Variants in GARRE1 observed in about 807,000 individuals in gnomAD.
The protein encoded by GARRE1 is granule associated Rac and RHOG effector 1, also known as granule associated Rac and RHOG effector protein 1.
Under a neutral mutation model 103.2 loss-of-function variants are expected in GARRE1, and 49 were observed. That is an observed-to-expected ratio of 0.47 (90% CI 0.38 to 0.60). GARRE1 has a LOEUF of 0.60. GARRE1 is among the 20% of genes least tolerant of loss of function. The probability of loss-of-function intolerance (pLI) is 0.00; values close to 1 mark genes in which losing one functional copy is unlikely to be tolerated. For missense variants in GARRE1, 1,199 were observed against 1,370.5 expected (o/e 0.87, Z 1.98); for synonymous variants, 505 against 532.8 (o/e 0.95, Z 0.72).
In GARRE1 at chr19:34,352,891, C is replaced by A; in HGVS notation, c.3149C>A (p.Pro1050His). The A allele has an allele frequency of 5.0e-6, 8 of 1,585,464 alleles. No individual in the cohort carries two copies. The highest frequency in any genetic ancestry group is 1.9e-4 in the Middle Eastern group (1 of 5,204). The change falls in exon 14 of 14, where the codon CCC becomes CAC. Residue 1050 changes from proline to histidine, a missense_variant. Transcript: ENST00000299505. The stretch of plus-strand genomic sequence containing the variant: ...CCCCCACCAGCACACAAGGCAGCAC[C>A]CAAGGGCTTCAAGGCCTTCCCTGGG... ...PPPPPAHKAAPKGFKAFPGKG... is the reference protein window; with the variant it reads ...PPPPPAHKAAHKGFKAFPGKG...
chr19:34,255,119 C>T (rs1259009956), intron 1 of GARRE1, among the ~76,000 whole-genome samples: 1 of 152,028 alleles, frequency 6.6e-6, no homozygotes, highest in Non-Finnish European at 1.5e-5. Context: ...TTCCCGGCGG[C>T]GCCAGGCTGC....
chr19:34,305,159 G>A (rs1568537270), intron 2 of GARRE1, among the ~76,000 whole-genome samples: 1 of 152,226 alleles, frequency 6.6e-6, no homozygotes, highest in African/African-American at 2.4e-5. Flanking sequence ...CAAAAGAAAC[G>A]TAAGCAGTGA....
chr19:34,334,042 A>G (rs1480612214), intron 8 of GARRE1, among the ~76,000 whole-genome samples: 4 of 152,228 alleles, frequency 2.6e-5, no homozygotes, highest in Non-Finnish European at 4.4e-5. Context: ...AAAATGTTAT[A>G]TACTCTTGGA....
At chr19:34,260,188 C>G (rs560260546) in intron 1 of GARRE1, among the ~76,000 whole-genome samples, 2 of 152,328 alleles carry the variant, frequency 1.3e-5, no homozygotes, top group East Asian at 3.9e-4. Flanking sequence ...ACGGCAAGAC[C>G]CTCTGCCAAC....
At chr19:34,311,009 C>G (rs922318637) in intron 2 of GARRE1, among the ~76,000 whole-genome samples, 2 of 151,974 alleles carry the variant, frequency 1.3e-5, no homozygotes, top group African/African-American at 4.8e-5. Context: ...CCCGCCCCCC[C>G]GCAAGACAGG....
At chr19:34,305,881 C>T (rs1354765454) in intron 2 of GARRE1, among the ~76,000 whole-genome samples, 1 of 152,152 alleles carries the variant, frequency 6.6e-6, no homozygotes, top group Non-Finnish European at 1.5e-5. Context: ...ACAGGCTTTC[C>T]CAGACGAGTC....
intron 3 of GARRE1, among the ~76,000 whole-genome samples, chr19:34,327,112 G>A (rs535396559): frequency 1.3e-5 from 2 of 151,630 alleles, no homozygotes; most frequent in East Asian, 1.9e-4. Flanking sequence ...CTGAGATAGC[G>A]CCACTACACT....
rs565221334 is a variant in GARRE1 at position 34,316,201 on chromosome 19, A to G, written c.496-3706A>G. 3.5e-4 allele frequency among the ~76,000 whole-genome samples: 54 copies of G among 152,320 alleles called. 1 individual carries two copies. The South Asian group carries it at 9.1e-3, about 26-fold the overall frequency. On this transcript the variant is annotated intron_variant, in intron 2 of 13. Coordinates refer to ENST00000299505, the MANE Select transcript of GARRE1 (RefSeq NM_014686.5). ...AAAATGGGTGAATTGCTCACACCCC[A>G]CAGGGATGGTTCACCAAACATAAGG...
intron 7 of GARRE1, among the ~76,000 whole-genome samples, chr19:34,333,124 G>T (rs2074144918): frequency 6.6e-6 from 1 of 152,170 alleles, no homozygotes; most frequent in Non-Finnish European, 1.5e-5. Context: ...TCGGCTCACT[G>T]CAACCTCTGC....
intron 1 of GARRE1, among the ~76,000 whole-genome samples, chr19:34,257,822 T>C (rs1171410071): frequency 1.3e-5 from 2 of 152,296 alleles, no homozygotes; most frequent in South Asian, 2.1e-4. Flanking sequence ...GTATTTGGCA[T>C]GGTGAGCTAT....
intron 2 of GARRE1, among the ~76,000 whole-genome samples, chr19:34,316,137 A>G (rs551783083): frequency 6.6e-6 from 1 of 152,288 alleles, no homozygotes; most frequent in South Asian, 2.1e-4. Context: ...ACATTGAGCA[A>G]GTTTCTTTAT....
At chr19:34,292,712 T>C (rs1047114822) in intron 1 of GARRE1, among the ~76,000 whole-genome samples, 44 of 151,890 alleles carry the variant, frequency 2.9e-4, no homozygotes, top group Non-Finnish European at 5.3e-4. Context: ...ATAGTTGGGA[T>C]TACAGGCATG....
At chr19:34,350,743 G>T (rs908540348) in intron 12 of GARRE1, among the ~76,000 whole-genome samples, 1 of 151,876 alleles carries the variant, frequency 6.6e-6, no homozygotes, top group Non-Finnish European at 1.5e-5. Flanking sequence ...CACCATGCCC[G>T]GCTAATTTTT....
intron 1 of GARRE1, among the ~76,000 whole-genome samples, chr19:34,257,094 T>C (rs1396808498): frequency 2.0e-5 from 3 of 152,152 alleles, no homozygotes; most frequent in Non-Finnish European, 2.9e-5. Flanking sequence ...CAGATTCCCT[T>C]GGCAAGCCTA....
At chr19:34,277,281 T>C (rs1025051247) in intron 1 of GARRE1, among the ~76,000 whole-genome samples, 1 of 152,158 alleles carries the variant, frequency 6.6e-6, no homozygotes, top group African/African-American at 2.4e-5. Context: ...ATATAAATTC[T>C]TCATAAACTG....
At chr19:34,302,736 GTTTTTTT>G (rs35460135) in intron 2 of GARRE1, among the ~76,000 whole-genome samples, 1 of 129,052 alleles carries the variant, frequency 7.7e-6, no homozygotes, top group Non-Finnish European at 1.6e-5. Context: ...GTCTTTGATA[GTTTTTTT>G]TTTTTTTTTT....
chr19:34,309,875 G>A (rs965218708), intron 2 of GARRE1, among the ~76,000 whole-genome samples: 1 of 152,172 alleles, frequency 6.6e-6, no homozygotes, highest in Non-Finnish European at 1.5e-5. Flanking sequence ...CCAAGGTGTA[G>A]GGATGAAGAG....
chr19:34,285,675 CT>C (rs982420051), intron 1 of GARRE1, among the ~76,000 whole-genome samples: 20 of 148,170 alleles, frequency 1.3e-4, no homozygotes, highest in Admixed American at 6.1e-4. Flanking sequence ...GTTCCATGAC[CT>C]TTTTTTTTTG....
At chr19:34,266,870 A>G (rs2073755561) in intron 1 of GARRE1, among the ~76,000 whole-genome samples, 1 of 152,150 alleles carries the variant, frequency 6.6e-6, no homozygotes, top group South Asian at 2.1e-4. Flanking sequence ...ATTTATATAT[A>G]AGCTTCTGGA....
Sources: gnomAD v4.1 joint callset for allele counts (sites outside exome capture counted in the v4.1 genomes callset) on GRCh38, gnomAD v4.1.1 for gene constraint, MANE v1.5 for transcripts, NCBI Gene and HGNC (gene_info 2026-07-23, HGNC 2026-07-21) for gene names.